HDX: variants seen among roughly 807,000 people sequenced by gnomAD.
The protein encoded by HDX is highly divergent homeobox, also known as chromosome X open reading frame 43.
Under a neutral mutation model 45.2 loss-of-function variants are expected in HDX, and 19 were observed. That is an observed-to-expected ratio of 0.42 (90% CI 0.29 to 0.62). The LOEUF (loss-of-function observed/expected upper bound fraction) is 0.62. Among genes scored for constraint, HDX ranks in the 20% least tolerant of loss-of-function variants. The pLI, the probability that HDX is intolerant of heterozygous loss-of-function variation, is 0.20. For missense variants in HDX, 532 were observed against 493.9 expected (o/e 1.08, Z -0.73); for synonymous variants, 188 against 172.8 (o/e 1.09, Z -0.69).
At chrX:84,408,499 G>GGTTTT (rs1477513353) in intron 5 of HDX, among the ~76,000 whole-genome samples, 1 of 44,442 alleles carries the variant, frequency 2.3e-5, no homozygotes, top group Non-Finnish European at 3.9e-5. Context: ...CTCCAGCTTT[G>GGTTTT]TTTTTTTTTT....
At chrX:84,343,553 G>T (rs1447504444) in intron 7 of HDX, among the ~76,000 whole-genome samples, 2 of 111,086 alleles carry the variant, frequency 1.8e-5, no homozygotes, top group Non-Finnish European at 3.8e-5. Context: ...CTCCCAAAGT[G>T]CTGAGATTAG....
intron 5 of HDX, among the ~76,000 whole-genome samples, chrX:84,370,429 A>G (rs1312583443): frequency 8.9e-6 from 1 of 111,798 alleles, no homozygotes; most frequent in Admixed American, 9.5e-5. Flanking sequence ...GCTGCCTAAT[A>G]TAAACCACTT....
intron 5 of HDX, among the ~76,000 whole-genome samples, chrX:84,364,490 CCTTTT>C (rs2037694266): frequency 1.1e-5 from 1 of 87,887 alleles, no homozygotes; most frequent in African/African-American, 4.4e-5. Flanking sequence ...AAGTTATTCA[CCTTTT>C]TTTTTTTTTT....
At chrX:84,488,324 A>C (rs973237662) in intron 1 of HDX, among the ~76,000 whole-genome samples, 192 bp from the exon 2 acceptor site, 104 of 94,881 alleles carry the variant, frequency 1.1e-3, no homozygotes, top group Admixed American at 1.9e-3. Flanking sequence ...TAAAATCTAA[A>C]ACACACACAC....
chrX:84,385,230 T>C (rs1211211905), intron 5 of HDX, among the ~76,000 whole-genome samples: 1 of 46,576 alleles, frequency 2.1e-5, no homozygotes, highest in Non-Finnish European at 3.9e-5. Context: ...TTTTTTTTTT[T>C]TGAGACGGAG....
chrX:84,349,680 CTGTG>C (rs200711346), intron 6 of HDX, among the ~76,000 whole-genome samples: 7,309 of 78,790 alleles, frequency 0.093, 338 homozygotes, highest in East Asian at 0.26. Context: ...AACCCTAGCC[CTGTG>C]TGTGTGTGTG....
chrX:84,342,157 T>C (rs1256541648), intron 7 of HDX, among the ~76,000 whole-genome samples: 1 of 111,537 alleles, frequency 9.0e-6, no homozygotes, highest in Non-Finnish European at 1.9e-5. Flanking sequence ...ACTCATATCA[T>C]CCAAAGGCCT....
chrX:84,437,986 C>T (rs1403360302), intron 5 of HDX, among the ~76,000 whole-genome samples: 1 of 111,163 alleles, frequency 9.0e-6, no homozygotes, highest in East Asian at 2.9e-4. Flanking sequence ...TCCAGTTAAT[C>T]TTCTTTGTCA....
At chrX:84,326,683 G>A (rs762404058) in intron 9 of HDX, among the ~76,000 whole-genome samples, 15 of 110,636 alleles carry the variant, frequency 1.4e-4, no homozygotes, top group African/African-American at 1.6e-4. Context: ...AGGCCGAGGC[G>A]GGTGGATCAC....
intron 4 of HDX, among the ~76,000 whole-genome samples, chrX:84,441,111 AAC>A (rs1293334263): frequency 1.8e-5 from 2 of 110,986 alleles, no homozygotes; most frequent in African/African-American, 3.3e-5. Flanking sequence ...AATAAAATAA[AAC>A]AGTTATGACA....
intron 5 of HDX, among the ~76,000 whole-genome samples, chrX:84,405,660 A>ATGTG (rs200660633): frequency 1.2e-5 from 1 of 84,144 alleles, no homozygotes; most frequent in East Asian, 5.3e-4. Flanking sequence ...ATATATATAT[A>ATGTG]TATATGTGTG....
At chrX:84,331,566 C>T (rs1309893700) in intron 9 of HDX, among the ~76,000 whole-genome samples, 1 of 111,418 alleles carries the variant, frequency 9.0e-6, no homozygotes, top group African/African-American at 3.3e-5. Flanking sequence ...AAATAAGTCT[C>T]TTCTCACAGG....
intron 5 of HDX, among the ~76,000 whole-genome samples, chrX:84,432,630 G>A (rs996661108): frequency 9.0e-6 from 1 of 110,832 alleles, no homozygotes; most frequent in Non-Finnish European, 1.9e-5. Flanking sequence ...CAGCTTGGAT[G>A]TTGTTTTTGT....
chrX:84,500,161 A>T (rs1364458405), intron 1 of HDX: 1 of 110,721 alleles, frequency 9.0e-6, no homozygotes, highest in African/African-American at 3.3e-5. Flanking sequence ...GTAAATAGAG[A>T]TCTGTGTAAT....
At chrX:84,440,711 T>G (rs1002391290) in intron 4 of HDX, 126 bp from the exon 5 acceptor site, 36 of 431,206 alleles carry the variant, frequency 8.3e-5, no homozygotes, top group Middle Eastern at 6.4e-4. Flanking sequence ...TCCCCACGTA[T>G]AAAATGTTGT....
At chrX:84,409,858 A>C (rs1269168484) in intron 5 of HDX, among the ~76,000 whole-genome samples, 9 of 106,472 alleles carry the variant, frequency 8.5e-5, no homozygotes, top group Non-Finnish European at 1.4e-4. Flanking sequence ...TGTACCCTAA[A>C]ACTTAAAATA....
At chrX:84,324,646 C>T (rs1412144076) in intron 10 of HDX, among the ~76,000 whole-genome samples, 1 of 111,156 alleles carries the variant, frequency 9.0e-6, no homozygotes, top group Non-Finnish European at 1.9e-5. Flanking sequence ...ACATTAATTA[C>T]ATTTGTTATT....
At chrX:84,491,536 A>T (rs957904296) in intron 1 of HDX, among the ~76,000 whole-genome samples, 8 of 111,836 alleles carry the variant, frequency 7.2e-5, no homozygotes, top group African/African-American at 2.6e-4. Context: ...GCTTTCTCAC[A>T]GGAATATGGG....
At chrX:84,352,890 T>C (rs2037392694) in intron 6 of HDX, among the ~76,000 whole-genome samples, 1 of 110,920 alleles carries the variant, frequency 9.0e-6, no homozygotes, top group Non-Finnish European at 1.9e-5. Context: ...GTGAAAATGA[T>C]GGTATGAGCA....
Sources: gnomAD v4.1 joint callset for allele counts (sites outside exome capture counted in the v4.1 genomes callset) on GRCh38, gnomAD v4.1.1 for gene constraint, MANE v1.5 for transcripts, NCBI Gene and HGNC (gene_info 2026-07-23, HGNC 2026-07-21) for gene names.